Variants in LYPD6B observed in about 807,000 individuals in gnomAD.
The protein encoded by LYPD6B is LY6/PLAUR domain containing 6B, also known as ly6/PLAUR domain-containing protein 6B.
LYPD6B carries 17 observed loss-of-function variants against 22.8 expected under a neutral mutation model. That is an observed-to-expected ratio of 0.75 (90% CI 0.51 to 1.12). The LOEUF is 1.12. Ranked by LOEUF, LYPD6B falls within the 50% of genes most tolerant of loss-of-function variation. The pLI is 0.00. For missense variants in LYPD6B, 221 were observed against 258.3 expected, an observed-to-expected ratio of 0.86 and a Z score of 0.99; for synonymous variants, 106 against 91.6, an observed-to-expected ratio of 1.16 and a Z score of -0.90.
intron 2 of LYPD6B, among the ~76,000 whole-genome samples, chr2:149,137,325 G>A (rs1162555371): frequency 6.6e-6 from 1 of 152,106 alleles, no homozygotes; most frequent in Non-Finnish European, 1.5e-5. Flanking sequence ...TACTCCAGTG[G>A]TTTCCCATTT....
rs1221620005 is a variant in LYPD6B, at chr2:149,080,028, G to A, written c.-67+41227G>A. Among the ~76,000 whole-genome samples the A allele has an allele frequency of 2.6e-5, 4 of 152,158 alleles. No individual in the cohort carries two copies. In the East Asian group the frequency reaches 7.7e-4, roughly 29 times the overall value. On this transcript the variant is annotated intron_variant, in intron 1 of 6. Transcript: ENST00000409642. ...TTTGTTTACCAACATTGCCAAAGGG[G>A]ACTATGTAAGTATATTTTTGTTAAG...
chr2:149,096,093 G>A (rs1272475744), intron 1 of LYPD6B, among the ~76,000 whole-genome samples: 1 of 151,918 alleles, frequency 6.6e-6, no homozygotes, highest in African/African-American at 2.4e-5. Flanking sequence ...AGTGATGAGA[G>A]AGACACTACC....
intron 3 of LYPD6B, among the ~76,000 whole-genome samples, chr2:149,161,800 T>A (rs1207374345): frequency 6.6e-6 from 1 of 152,230 alleles, no homozygotes; most frequent in Non-Finnish European, 1.5e-5. Context: ...AAGAGCAGAT[T>A]GAATTATTAG....
intron 1 of LYPD6B, among the ~76,000 whole-genome samples, chr2:149,043,657 G>A (rs1410753803): frequency 5.3e-5 from 8 of 151,958 alleles, no homozygotes; most frequent in Non-Finnish European, 1.2e-4. Context: ...CCAGTTTATC[G>A]ATTTTTTAAT....
At chr2:149,124,176 CT>C (rs746255285) in intron 1 of LYPD6B, among the ~76,000 whole-genome samples, 53 of 152,212 alleles carry the variant, frequency 3.5e-4, no homozygotes, top group Middle Eastern at 6.8e-3. Flanking sequence ...ATGTCTTGTC[CT>C]TTTAATTCCT....
chr2:149,080,140 T>C (rs905714705), intron 1 of LYPD6B, among the ~76,000 whole-genome samples: 4 of 152,142 alleles, frequency 2.6e-5, no homozygotes, highest in African/African-American at 9.7e-5. Context: ...GAAATCAAGG[T>C]GATGGCAAGG....
chr2:149,063,782 A>G (rs1684200491), intron 1 of LYPD6B, among the ~76,000 whole-genome samples: 2 of 152,244 alleles, frequency 1.3e-5, no homozygotes, highest in African/African-American at 2.4e-5. Flanking sequence ...CGGAAACATA[A>G]TATGTATTAG....
chr2:149,067,532 A>G (rs1287704549), intron 1 of LYPD6B, among the ~76,000 whole-genome samples: 1 of 150,938 alleles, frequency 6.6e-6, no homozygotes, highest in East Asian at 1.9e-4. Context: ...ATTTTTTCCT[A>G]TCTTTTCTGT....
chr2:149,199,068 G>A (rs1693002010), intron 3 of LYPD6B, among the ~76,000 whole-genome samples: 1 of 152,178 alleles, frequency 6.6e-6, no homozygotes, highest in Non-Finnish European at 1.5e-5. Flanking sequence ...CACTTGATCT[G>A]ATCTCTATTC....
intron 1 of LYPD6B, among the ~76,000 whole-genome samples, chr2:149,125,535 G>A (rs1387516875): frequency 6.6e-6 from 1 of 152,072 alleles, no homozygotes; most frequent in Non-Finnish European, 1.5e-5. Flanking sequence ...TAGGTTAGGA[G>A]GGAAAGTGGT....
chr2:149,113,180 T>C (rs1686842407), intron 1 of LYPD6B, among the ~76,000 whole-genome samples: 1 of 114,398 alleles, frequency 8.7e-6, no homozygotes, highest in Non-Finnish European at 1.9e-5. Context: ...ACCTTTAGAT[T>C]TGTAAGGAGG....
intron 2 of LYPD6B, among the ~76,000 whole-genome samples, chr2:149,136,760 A>G (rs926410596): frequency 4.6e-5 from 7 of 152,258 alleles, no homozygotes; most frequent in African/African-American, 1.7e-4. Flanking sequence ...AAATGTGAAT[A>G]CTGGTCAAAG....
chr2:149,150,094 T>A (rs1423450072), intron 2 of LYPD6B, among the ~76,000 whole-genome samples: 1 of 152,314 alleles, frequency 6.6e-6, no homozygotes, highest in South Asian at 2.1e-4. Flanking sequence ...TGTGATCACC[T>A]ACTCCCTTCT....
chr2:149,193,032 G>A (rs895625209), intron 3 of LYPD6B, among the ~76,000 whole-genome samples: 5 of 152,136 alleles, frequency 3.3e-5, no homozygotes, highest in Admixed American at 3.3e-4. Flanking sequence ...TTGTGAGTCT[G>A]TGGATTAGAA....
chr2:149,181,507 AC>A (rs1271803793), intron 3 of LYPD6B, among the ~76,000 whole-genome samples: 1 of 152,098 alleles, frequency 6.6e-6, no homozygotes, highest in Non-Finnish European at 1.5e-5. Flanking sequence ...GATTCCAGAA[AC>A]CCAGACTCTT....
chr2:149,135,154 A>G (rs529280982), intron 2 of LYPD6B, among the ~76,000 whole-genome samples: 2 of 99,946 alleles, frequency 2.0e-5, no homozygotes, highest in South Asian at 3.1e-4. Context: ...CTGAGACACA[A>G]CAATTGCTTG....
chr2:149,089,820 A>C (rs1167251790), intron 1 of LYPD6B, among the ~76,000 whole-genome samples: 1 of 152,210 alleles, frequency 6.6e-6, no homozygotes, highest in Non-Finnish European at 1.5e-5. Flanking sequence ...TGGTTCAATA[A>C]AAAAGCATTA....
intron 1 of LYPD6B, among the ~76,000 whole-genome samples, chr2:149,114,269 T>C (rs1279773331): frequency 6.6e-6 from 1 of 152,230 alleles, no homozygotes; most frequent in Non-Finnish European, 1.5e-5. Flanking sequence ...TTATAAGTAA[T>C]GCTTTTATCT....
At chr2:149,175,686 C>CT (rs1691241122) in intron 3 of LYPD6B, among the ~76,000 whole-genome samples, 1 of 148,724 alleles carries the variant, frequency 6.7e-6, no homozygotes, top group Admixed American at 6.7e-5. Context: ...TTCTATCAGC[C>CT]TTTTTTCTAT....
Sources: allele counts gnomAD v4.1 joint callset (sites outside exome capture counted in the v4.1 genomes callset), GRCh38; gene constraint gnomAD v4.1.1; transcripts MANE v1.5; gene names NCBI Gene and HGNC (gene_info 2026-07-23, HGNC 2026-07-21).